Variants in MAPK15 observed in about 807,000 individuals in gnomAD.
MAPK15 encodes the protein mitogen-activated protein kinase 15.
MAPK15 carries 61 observed loss-of-function variants against 60.8 expected under a neutral mutation model. The observed-to-expected ratio is 1.00, with a 90% confidence interval of 0.82 to 1.24. The LOEUF (loss-of-function observed/expected upper bound fraction) is 1.24, where lower values mean the gene tolerates loss of function less well. Among genes scored for constraint, MAPK15 ranks in the 50% most tolerant of loss-of-function variants. The pLI is 0.00. For synonymous variants in MAPK15, 356 were observed against 319.9 expected (o/e 1.11, Z -1.21); for missense variants, 808 against 741.1 (o/e 1.09, Z -1.05).
In MAPK15 at chr8:143,718,874, A is replaced by G. The variant is rs1159840336; in HGVS notation, c.386A>G (p.His129Arg). The stretch of plus-strand genomic sequence containing the variant: ...CTCCTGCGGGCCACCCGGTTCCTCC[A>G]CTCGGGGCACGTTGTGCACCGGGAC... ...YQLLRATRFL[H>R]SGHVVHRDQK... The change falls in exon 5 of 14, where the codon CAC (histidine) becomes CGC (arginine). Residue 129 changes from histidine (H) to arginine (R), a missense_variant. By Grantham distance (29) the His-to-Arg change is conservative. Transcript: ENST00000338033. 1 of 1,610,798 alleles carries G rather than the reference A, an allele frequency of 6.2e-7. No individual in the cohort carries two copies. Among genetic ancestry groups the G allele is most frequent in the Non-Finnish European group, 8.5e-7 (1 of 1,179,052 alleles).
chr8:143,722,408 C>A lies in MAPK15; in HGVS notation c.*157C>A. The A allele has an allele frequency of 1.7e-6, 1 of 589,738 alleles. No homozygotes were observed. The highest frequency in any genetic ancestry group is 2.8e-6 in the Non-Finnish European group (1 of 353,108). The allele number at this position is 589,738 out of a possible 1,614,324, so 36.5% of individuals were successfully genotyped here. On this transcript the variant is annotated 3_prime_UTR_variant, in exon 14 of 14. Transcript: ENST00000338033. ...GTCTCCTCGGGGGAGCAGATGAGGG[C>A]CCTGCCCCCGCCCCACTGACTTCCT...
chr8:143,719,175 C>G lies in MAPK15; in HGVS notation c.581+19C>G, dbSNP rs782376046. ...CGCACCGGTAATAGCGAGACATCCC[C>G]AACCCCCCCTCCACCTCCCTGCTGC... On this transcript the variant is annotated intron_variant, in intron 6 of 13. Transcript: ENST00000338033. 7.3e-4 allele frequency: 1,026 copies of G among 1,410,858 alleles called. 3 individuals carry two copies. The highest frequency in any genetic ancestry group is 5.9e-4 in the Non-Finnish European group (636 of 1,071,540). 87.4% of individuals were successfully genotyped at this position (1,410,858 alleles called of 1,614,324 possible). A position where few individuals can be genotyped will look rare whatever the true frequency, so the allele number is the denominator to read the frequency against.
intron 13 of MAPK15, 24 bp from the exon 14 acceptor site, chr8:143,722,051 T>C (rs374765870): frequency 2.7e-5 from 43 of 1,606,126 alleles, no homozygotes; most frequent in African/African-American, 1.3e-5. Context: ...ATGGCCCCTT[T>C]ATGTGACCCT....
chr8:143,718,866 G>A lies in MAPK15; in HGVS notation c.378G>A (p.Arg126=). ...TCTACCAGCTCCTGCGGGCCACCCGGTTCCTCCACTCGGGGCACGTTGTGC... is the reference window on the plus strand; with the variant it reads ...TCTACCAGCTCCTGCGGGCCACCCGATTCCTCCACTCGGGGCACGTTGTGC... The part of the protein sequence containing the change: ...SIFYQLLRAT[R]FLHSGHVVHR... Residue 126 remains arginine, a synonymous_variant, in exon 5 of 14, where the codon CGG becomes CGA. Coordinates refer to ENST00000338033, the MANE Select transcript of MAPK15 (RefSeq NM_139021.3). 4 of 1,611,802 alleles carry A rather than the reference G, an allele frequency of 2.5e-6. No individual in the cohort carries two copies. Among genetic ancestry groups the A allele is most frequent in the South Asian group, 1.1e-5 (1 of 90,894 alleles).
chr8:143,722,008 C>A, intron 13 of MAPK15, 67 bp from the exon 14 acceptor site: 2 of 1,554,310 alleles, frequency 1.3e-6, no homozygotes, highest in African/African-American at 1.4e-5. Flanking sequence ...CTCTCGAGGA[C>A]CTCAAGGCCT....
chr8:143,716,578 G>A (rs962074894), intron 1 of MAPK15, 135 bp downstream of exon 1: 41 of 732,858 alleles, frequency 5.6e-5, no homozygotes, highest in Non-Finnish European at 7.9e-5. Context: ...GTAGGCGGGA[G>A]AGGTGGTCTG....
In MAPK15 at chr8:143,719,348, C is replaced by A. The variant is rs1817952898; in HGVS notation, c.587C>A (p.Thr196Asn). The A allele has an allele frequency of 6.2e-7, 1 of 1,606,552 alleles. No homozygotes were observed. The highest frequency in any genetic ancestry group is 8.5e-7 in the Non-Finnish European group (1 of 1,176,230). Residue 196 changes from threonine to asparagine, a missense_variant, in exon 7 of 14, where the codon ACC (threonine) becomes AAC (asparagine). Thr to Asn is a moderately conservative substitution (Grantham distance 65). Transcript: ENST00000338033. ...PEVLLSSHRY[T>N]LGVDMWSLGC... is the part of the protein sequence containing the mutation. ...TACACCGCTTCCTGCCCCAGATACA[C>A]CCTTGGGGTGGACATGTGGAGTCTG...
rs782084585 is a variant in MAPK15 at position 143,719,026 on chromosome 8, G to A, written c.451G>A (p.Val151Met). 21 of 1,604,246 alleles carry A rather than the reference G, an allele frequency of 1.3e-5. No homozygotes were observed. The highest frequency in any genetic ancestry group is 1.7e-5 in the Non-Finnish European group (20 of 1,176,156). ...SNVLLDANCT[V>M]KLCDFGLARS... Reference sequence around the variant, plus strand: ...TGTGCTCCTGGATGCCAACTGCACAGTGAAGCTGTGTGACTTTGGCCTGGC... The same window carrying A: ...TGTGCTCCTGGATGCCAACTGCACAATGAAGCTGTGTGACTTTGGCCTGGC... Residue 151 changes from valine to methionine, a missense_variant, in exon 6 of 14, where the codon GTG (valine) becomes ATG (methionine). Transcript: ENST00000338033.
chr8:143,721,549 A>G lies in MAPK15; in HGVS notation c.1205A>G (p.Glu402Gly), dbSNP rs1428062615. ...CGGGGTTGACCCACTGACCCCACAG[A>G]GTCCCCCCGTGCAGCCAAGAACGTT... ...SSPGHDPAEH[E>G]SPRAAKNVPR... Residue 402 changes from glutamate (E) to glycine (G), a missense_variant and splice_region_variant, in exon 12 of 14, where the codon GAG (glutamate) becomes GGG (glycine). Glu to Gly is a moderately conservative substitution (Grantham distance 98). Transcript: ENST00000338033. 1 of 1,613,602 alleles carries G rather than the reference A, an allele frequency of 6.2e-7. No homozygotes were observed. Among genetic ancestry groups the G allele is most frequent in the African/African-American group, 1.3e-5 (1 of 74,910 alleles).
At chr8:143,716,945 T>G (rs990361473) in intron 1 of MAPK15, among the ~76,000 whole-genome samples, 1 of 147,724 alleles carries the variant, frequency 6.8e-6, no homozygotes, top group Non-Finnish European at 1.5e-5. Flanking sequence ...CGTGGGTGTG[T>G]GGGGGGGTGT....
intron 4 of MAPK15, 49 bp from the exon 5 acceptor site, chr8:143,718,726 T>TTTCCCCCCCCC: frequency 2.4e-6 from 1 of 417,840 alleles, no homozygotes. Context: ...CCCCCCAGGT[T>TTTCCCCCCCCC]GCCCCCCCAG....
rs1818123802 is a variant in MAPK15, at chr8:143,722,423, A to T, written c.*172A>T. The T allele has an allele frequency of 5.6e-6, 3 of 534,622 alleles. No individual in the cohort carries two copies. The highest frequency in any genetic ancestry group is 3.7e-5 in the Admixed American group (1 of 26,800). The allele number at this position is 534,622 out of a possible 1,614,324, so 33.1% of individuals were successfully genotyped here. A position where few individuals can be genotyped will look rare whatever the true frequency, so the allele number is the denominator to read the frequency against. On this transcript the variant is annotated 3_prime_UTR_variant, in exon 14 of 14. Transcript: ENST00000338033. ...CAGATGAGGGCCCTGCCCCCGCCCC[A>T]CTGACTTCCTCCAATAAAGTCATGT...
At position 143,722,305 on chromosome 8, in the gene MAPK15, G is replaced by C; in HGVS notation, c.*54G>C. ...TGTTCCTGCCCCAGCCCCTTCCCCA[G>C]ACCCCTCTCCAGTCTCCTGCACCCC... On this transcript the variant is annotated 3_prime_UTR_variant, in exon 14 of 14. Transcript: ENST00000338033. The C allele has an allele frequency of 6.8e-7, 1 of 1,462,450 alleles. No individual in the cohort carries two copies. The highest frequency in any genetic ancestry group is 1.3e-5 in the South Asian group (1 of 74,430). 90.6% of individuals were successfully genotyped at this position (1,462,450 alleles called of 1,614,324 possible). A position where few individuals can be genotyped will look rare whatever the true frequency, so the allele number is the denominator to read the frequency against.
Position 143,719,154 on chromosome 8 carries a change from C to T in MAPK15, c.579C>T (p.His193=), listed in dbSNP as rs967863727. ...YRAPEVLLSS[H]RYTLGVDMWS... ...CACCGGAGGTGCTGCTCTCTTCGCA[C>T]CGGTAATAGCGAGACATCCCCAACC... Residue 193 remains histidine, a splice_region_variant and synonymous_variant, in exon 6 of 14, where the codon CAC becomes CAT. Transcript: ENST00000338033. The T allele has an allele frequency of 1.3e-6, 2 of 1,535,032 alleles. No individual in the cohort carries two copies. Among genetic ancestry groups the T allele is most frequent in the Middle Eastern group, 1.8e-4 (1 of 5,606 alleles).
rs369699832 is a variant in MAPK15, at chr8:143,720,887, G to T, written c.917+47G>T. 1 of 1,598,062 alleles carries T rather than the reference G, an allele frequency of 6.3e-7. No homozygotes were observed. Among genetic ancestry groups the T allele is most frequent in the Non-Finnish European group, 8.5e-7 (1 of 1,173,260 alleles). On this transcript the variant is annotated intron_variant, in intron 9 of 13. Coordinates refer to ENST00000338033, the MANE Select transcript of MAPK15 (RefSeq NM_139021.3). This position sits in a 1 kb window ranked among gnomAD's most constrained non-coding sequence, Gnocchi z 4.6. ...CCAAGTGCGGGGGGACAGAGGTGGG[G>T]GCAGGAGAGAGCCAGCCCATGAGGG...
Position 143,720,531 on chromosome 8 carries a change from G to T in MAPK15, c.780-172G>T, listed in dbSNP as rs1243361426. 2.7e-6 allele frequency: 4 copies of T among 1,456,964 alleles called. No homozygotes were observed. The highest frequency in any genetic ancestry group is 2.5e-5 in the East Asian group (1 of 40,040). The allele number at this position is 1,456,964 out of a possible 1,614,324, so 90.3% of individuals were successfully genotyped here. On this transcript the variant is annotated intron_variant, in intron 8 of 13. Coordinates refer to ENST00000338033, the MANE Select transcript of MAPK15 (RefSeq NM_139021.3). The surrounding 1 kb of genome is among the most constrained non-coding windows in gnomAD (Gnocchi z 4.6). ...AGGAGGGCACCAGGGGGCCGCAGGGGTCTCTCCACCCTGCAGGGGCCCAGA... is the reference window on the plus strand; with the variant it reads ...AGGAGGGCACCAGGGGGCCGCAGGGTTCTCTCCACCCTGCAGGGGCCCAGA...
intron 6 of MAPK15, 50 bp from the exon 7 acceptor site, chr8:143,719,293 C>A: frequency 6.4e-7 from 1 of 1,556,222 alleles, no homozygotes; most frequent in South Asian, 1.2e-5. Flanking sequence ...CAACCCCACC[C>A]CCACCTCTGC....
rs1587436762 is a variant in MAPK15, at chr8:143,719,121, G to A, written c.546G>A (p.Trp182Ter). 1 of 1,558,096 alleles carries A rather than the reference G, an allele frequency of 6.4e-7. No individual in the cohort carries two copies. The highest frequency in any genetic ancestry group is 2.4e-5 in the East Asian group (1 of 41,376). Residue 182 changes from tryptophan to a stop codon, truncating the protein, a stop_gained, in exon 6 of 14, where the codon TGG becomes TGA. Transcript: ENST00000338033. LOFTEE classifies it high-confidence loss of function. ...TGACAGAGTACGTGGCCACACGCTG[G>A]TACCGAGCACCGGAGGTGCTGCTCT... ...QAVTEYVATR[W>*]YRAPEVLLSS...
chr8:143,719,434 C>T lies in MAPK15; in HGVS notation c.673C>T (p.His225Tyr), dbSNP rs1554619285. ...CCTGTTCCCCGGCACGTCCACCCTCCACCAGCTGGAGCTGATCCTGGAGAC... is the reference window on the plus strand; with the variant it reads ...CCTGTTCCCCGGCACGTCCACCCTCTACCAGCTGGAGCTGATCCTGGAGAC... The part of the protein sequence containing the change: ...RPLFPGTSTL[H>Y]QLELILETIP... Residue 225 changes from histidine (H) to tyrosine (Y), a missense_variant, in exon 7 of 14, where the codon CAC (histidine) becomes TAC (tyrosine). Physicochemically the swap from His to Tyr is moderately conservative, Grantham distance 83. Transcript: ENST00000338033. 6.2e-6 allele frequency: 10 copies of T among 1,610,754 alleles called. No individual in the cohort carries two copies. Among genetic ancestry groups the T allele is most frequent in the Non-Finnish European group, 8.5e-6 (10 of 1,179,032 alleles).
Sources: gnomAD v4.1 joint callset for allele counts (sites outside exome capture counted in the v4.1 genomes callset) on GRCh38, gnomAD v4.1.1 for gene constraint, Gnocchi (gnomAD v3.1) non-coding constraint, MANE v1.5 for transcripts, NCBI Gene and HGNC (gene_info 2026-07-23, HGNC 2026-07-21) for gene names.